Variants in GALNT2 observed in about 807,000 individuals in gnomAD.
GALNT2 encodes polypeptide N-acetylgalactosaminyltransferase 2.
In GALNT2, 31 loss-of-function variants were observed where a neutral mutation model predicts 81.4. The ratio of observed to expected loss-of-function variants is 0.38; its 90% confidence interval spans 0.29 to 0.51. The LOEUF (loss-of-function observed/expected upper bound fraction) is 0.51, where lower values mean the gene tolerates loss of function less well. Ranked by LOEUF, GALNT2 falls within the 20% of genes least tolerant of loss-of-function variation. The probability of loss-of-function intolerance (pLI) is 0.87; values close to 1 mark genes in which losing one functional copy is unlikely to be tolerated. For synonymous variants in GALNT2, 303 were observed against 287.4 expected, an observed-to-expected ratio of 1.05 and a Z score of -0.55; for missense variants, 629 against 765.7, an observed-to-expected ratio of 0.82 and a Z score of 2.11.
rs188837800 is a variant in GALNT2 at position 230,189,405 on chromosome 1, A to G, written c.220+11094A>G. Among the ~76,000 whole-genome samples, 309 of 152,348 alleles carry G rather than the reference A, an allele frequency of 2.0e-3. 3 individuals carry two copies. Among genetic ancestry groups the G allele is most frequent in the African/African-American group, 7.0e-3 (292 of 41,578 alleles). On this transcript the variant is annotated intron_variant, in intron 2 of 15. Transcript: ENST00000366672. The stretch of plus-strand genomic sequence containing the variant: ...AGAAATTGCTAATGTTCACGTAAAG[A>G]TGAATGAAATGGGAATGATGAAATG...
chr1:230,063,360 G>T (rs1410488185), upstream of GALNT2, among the ~76,000 whole-genome samples: 2 of 151,968 alleles, frequency 1.3e-5, no homozygotes, highest in Admixed American at 6.6e-5. Context: ...GATATGAAGT[G>T]GTATCTCACT....
intron 3 of GALNT2, among the ~76,000 whole-genome samples, chr1:230,208,622 C>T (rs1485355516): frequency 6.6e-6 from 1 of 152,232 alleles, no homozygotes; most frequent in Non-Finnish European, 1.5e-5. Context: ...GGCCTGAGCC[C>T]TGGACGATTC....
chr1:230,273,532 G>C (rs1049034461), intron 14 of GALNT2, among the ~76,000 whole-genome samples: 1 of 152,188 alleles, frequency 6.6e-6, no homozygotes, highest in Non-Finnish European at 1.5e-5. Context: ...GAGAGTGATG[G>C]TCAGAAGCCT....
chr1:230,093,414 T>G (rs1441462185), intron 1 of GALNT2, among the ~76,000 whole-genome samples: 3 of 151,868 alleles, frequency 2.0e-5, no homozygotes, highest in Admixed American at 2.0e-4. Flanking sequence ...ATCACAGTTG[T>G]GTAAAGGCAA....
At chr1:230,252,248 A>G (rs1454088279) in intron 10 of GALNT2, among the ~76,000 whole-genome samples, 11 of 152,174 alleles carry the variant, frequency 7.2e-5, no homozygotes, top group Non-Finnish European at 1.3e-4. Flanking sequence ...GTGGGTGTGC[A>G]TTGGGAGAGG....
rs939002718 is a variant in GALNT2, at chr1:230,193,607, G to T, written c.221-9530G>T. Among the ~76,000 whole-genome samples, 1 of 151,546 alleles carries T rather than the reference G, an allele frequency of 6.6e-6. No homozygotes were observed. Among genetic ancestry groups the T allele is most frequent in the African/African-American group, 2.4e-5 (1 of 41,212 alleles). ...GTCATCTTTTTTTTTTCAAATATAA[G>T]GTTTAGTAAAAACAAAAATTTTAAG... On this transcript the variant is annotated intron_variant, in intron 2 of 15. Transcript: ENST00000366672. The surrounding 1 kb of genome is among the most constrained non-coding windows in gnomAD (Gnocchi z 4.3).
At chr1:230,231,855 A>C (rs894239539) in intron 3 of GALNT2, among the ~76,000 whole-genome samples, 3 of 152,206 alleles carry the variant, frequency 2.0e-5, no homozygotes, top group African/African-American at 7.2e-5. Context: ...GTCAGCCCGA[A>C]ACCCCGCCCA....
chr1:230,123,921 A>G (rs368599161), intron 1 of GALNT2, among the ~76,000 whole-genome samples: 37 of 152,288 alleles, frequency 2.4e-4, no homozygotes, highest in African/African-American at 8.2e-4. Context: ...AGGGGACTCT[A>G]AAAATGTGAA....
chr1:230,206,526 A>G (rs1432639544), intron 3 of GALNT2, among the ~76,000 whole-genome samples: 1 of 152,212 alleles, frequency 6.6e-6, no homozygotes, highest in Non-Finnish European at 1.5e-5. Context: ...TGTAAGCTCT[A>G]GAATTACCAT....
intron 2 of GALNT2, among the ~76,000 whole-genome samples, chr1:230,180,885 A>AT (rs1473083184): frequency 6.6e-6 from 1 of 152,030 alleles, no homozygotes; most frequent in African/African-American, 2.4e-5. Context: ...TGGTCTTGTG[A>AT]TTTTCACTTC....
At chr1:230,154,209 GTC>G (rs1662177050) in intron 1 of GALNT2, among the ~76,000 whole-genome samples, 1 of 152,194 alleles carries the variant, frequency 6.6e-6, no homozygotes, top group Non-Finnish European at 1.5e-5. Flanking sequence ...TCAAGCTGCC[GTC>G]CACCCTGCAC....
At chr1:230,062,712 A>T (rs1209950352), upstream of GALNT2, among the ~76,000 whole-genome samples, 1 of 152,196 alleles carries the variant, frequency 6.6e-6, no homozygotes, top group African/African-American at 2.4e-5. Context: ...AGGGCTGAAT[A>T]ATATTCCATT....
chr1:230,063,242 T>C (rs970905643), upstream of GALNT2, among the ~76,000 whole-genome samples: 2 of 147,878 alleles, frequency 1.4e-5, no homozygotes, highest in Non-Finnish European at 3.0e-5. Context: ...CCCCAGGAGG[T>C]GGAGGTTGCA....
intron 1 of GALNT2, among the ~76,000 whole-genome samples, chr1:230,162,720 C>T: frequency 6.6e-6 from 1 of 152,196 alleles, no homozygotes; most frequent in Middle Eastern, 3.2e-3. Context: ...GGTCATAAGA[C>T]CCACCCCTCC....
intron 2 of GALNT2, among the ~76,000 whole-genome samples, chr1:230,183,389 A>T (rs1344857140): frequency 6.6e-6 from 1 of 151,816 alleles, no homozygotes; most frequent in African/African-American, 2.4e-5. Flanking sequence ...TTGTCGTTTT[A>T]ATTGAGCTTT....
At chr1:230,186,400 A>T (rs1183152956) in intron 2 of GALNT2, among the ~76,000 whole-genome samples, 1 of 152,180 alleles carries the variant, frequency 6.6e-6, no homozygotes, top group Non-Finnish European at 1.5e-5. Context: ...CAGCTCCTGG[A>T]TGAGTCATGA....
Position 230,250,523 on chromosome 1 carries a change from C to T in GALNT2, c.972C>T (p.Tyr324=), listed in dbSNP as rs145315149. 1.2e-4 allele frequency: 196 copies of T among 1,613,342 alleles called. No homozygotes were observed. The highest frequency in any genetic ancestry group is 2.9e-4 in the South Asian group (26 of 90,914). ...TCTATTTTGAAGAACTGGGGAAGTACGACATGATGATGGATGTGTGGGGAG... is the reference window on the plus strand; with the variant it reads ...TCTATTTTGAAGAACTGGGGAAGTATGACATGATGATGGATGTGTGGGGAG... ...DKFYFEELGK[Y]DMMMDVWGGE... is the part of the protein sequence containing the mutation. Residue 324 remains tyrosine, a synonymous_variant, in exon 10 of 16, where the codon TAC becomes TAT. Transcript: ENST00000366672.
At chr1:230,239,040 T>G (rs180863221) in intron 6 of GALNT2, among the ~76,000 whole-genome samples, 2 of 152,296 alleles carry the variant, frequency 1.3e-5, no homozygotes, top group East Asian at 3.9e-4. Context: ...AGATCTGCTG[T>G]TTCTTTTTGT....
intron 1 of GALNT2, among the ~76,000 whole-genome samples, chr1:230,113,897 G>T (rs1660770760): frequency 6.6e-6 from 1 of 152,066 alleles, no homozygotes; most frequent in Non-Finnish European, 1.5e-5. Flanking sequence ...CAAGTCATTG[G>T]ATTTGTTTTT....
Sources: allele counts gnomAD v4.1 joint callset (sites outside exome capture counted in the v4.1 genomes callset), GRCh38; gene constraint gnomAD v4.1.1; non-coding constraint Gnocchi (gnomAD v3.1); transcripts MANE v1.5; gene names NCBI Gene and HGNC (gene_info 2026-07-23, HGNC 2026-07-21).